NUP188: variants seen among roughly 807,000 people sequenced by gnomAD.
The protein encoded by NUP188 is nucleoporin NUP188.
A neutral mutation model predicts 223.0 loss-of-function variants in NUP188; 97 were observed. The observed-to-expected ratio is 0.43, with a 90% CI of 0.37 to 0.51. The LOEUF (loss-of-function observed/expected upper bound fraction) is 0.51, where lower values mean the gene tolerates loss of function less well. Among genes scored for constraint, NUP188 ranks in the 20% least tolerant of loss-of-function variants. The probability of loss-of-function intolerance (pLI) is 0.00; values close to 1 mark genes in which losing one functional copy is unlikely to be tolerated. For missense variants in NUP188, 1,947 were observed against 2,175.6 expected (o/e 0.89, Z 2.09); for synonymous variants, 869 against 828.0 (o/e 1.05, Z -0.85).
intron 12 of NUP188, among the ~76,000 whole-genome samples, chr9:128,974,733 C>T (rs1198420538): frequency 1.3e-5 from 2 of 151,484 alleles, no homozygotes; most frequent in African/African-American, 4.8e-5. Context: ...CTTAACATTA[C>T]AACCGTTATC....
rs112239017 is a variant in NUP188, at chr9:128,949,230, C to T, written c.74C>T (p.Ala25Val). The part of the protein sequence containing the change: ...ELWTILLGRS[A>V]LRELSQIEAE... ...TGGACTATTCTGCTTGGAAGGTCAG[C>T]TCTGAGAGAGCTGGTAAGTGGTGGT... is the stretch of plus-strand genomic sequence containing the variant. The change falls in exon 2 of 44, where the codon GCT (alanine) becomes GTT (valine). Residue 25 changes from alanine (A) to valine (V), a missense_variant. Physicochemically the swap from Ala to Val is moderately conservative, Grantham distance 64 (BLOSUM62 0). Transcript: ENST00000372577. 1 of 1,612,500 alleles carries T rather than the reference C, an allele frequency of 6.2e-7. No homozygotes were observed. Among genetic ancestry groups the T allele is most frequent in the East Asian group, 2.2e-5 (1 of 44,852 alleles).
At chr9:128,953,527 C>T (rs1400426341) in intron 3 of NUP188, among the ~76,000 whole-genome samples, 1 of 152,104 alleles carries the variant, frequency 6.6e-6, no homozygotes, top group Non-Finnish European at 1.5e-5. Context: ...CATTTTCATT[C>T]TCTTAGGTTA....
chr9:128,993,592 ATCGATACTGG>A lies in NUP188; in HGVS notation c.2917_2926del (p.Arg973AlafsTer38). 6.2e-7 allele frequency: 1 copy of A among 1,614,176 alleles called. No individual in the cohort carries two copies. On this transcript the variant is annotated frameshift_variant, in exon 27 of 44. Coordinates refer to ENST00000372577, the MANE Select transcript of NUP188 (RefSeq NM_015354.3). LOFTEE classifies it high-confidence loss of function. Reference sequence around the variant, plus strand: ...GAGCTGATTGATTCCCAACAGCAAGATCGATACTGGTGCCCACCCCTGCTGCATCGTGCCG... The same window carrying A: ...GAGCTGATTGATTCCCAACAGCAAGATGCCCACCCCTGCTGCATCGTGCCG...
In NUP188 at chr9:129,003,333, G is replaced by A; in HGVS notation, c.4313G>A (p.Arg1438Lys). Reference protein sequence around the residue: ...ERTLQCLNAVRTVQSLACLEE... With the variant: ...ERTLQCLNAVKTVQSLACLEE... Reference sequence around the variant, plus strand: ...TCCTCCCAGTGCCTCAACGCAGTGAGGACAGTGCAGAGTCTGGCCTGCCTG... The same window carrying A: ...TCCTCCCAGTGCCTCAACGCAGTGAAGACAGTGCAGAGTCTGGCCTGCCTG... The change falls in exon 38 of 44, where the codon AGG (arginine) becomes AAG (lysine). Residue 1438 changes from arginine (R) to lysine (K), a missense_variant. Transcript: ENST00000372577. 1 of 1,610,300 alleles carries A rather than the reference G, an allele frequency of 6.2e-7. No individual in the cohort carries two copies. Among genetic ancestry groups the A allele is most frequent in the Non-Finnish European group, 8.5e-7 (1 of 1,179,326 alleles).
intron 2 of NUP188, among the ~76,000 whole-genome samples, chr9:128,951,950 G>A (rs1184260378): frequency 1.3e-5 from 2 of 151,882 alleles, no homozygotes; most frequent in Admixed American, 6.6e-5. Flanking sequence ...ACACCACCAC[G>A]CCCAGCTAAT....
rs750636445 is a variant in NUP188 at position 128,994,895 on chromosome 9, A to G, written c.3127A>G (p.Ile1043Val). The G allele has an allele frequency of 2.5e-6, 4 of 1,613,704 alleles. No homozygotes were observed. The South Asian group carries it at 3.3e-5, about 13-fold the overall frequency. ...AACCTGTGCCCTAATCATGAAGATA[A>G]TTTGCTTGGAGATATACTATGTAGT... ...LETCALIMKI[I>V]CLEIYYVVKG... is the part of the protein sequence containing the mutation. The change falls in exon 29 of 44, where the codon ATT (isoleucine) becomes GTT (valine). Residue 1043 changes from isoleucine (I) to valine (V), a missense_variant. Coordinates refer to ENST00000372577, the MANE Select transcript of NUP188 (RefSeq NM_015354.3).
chr9:128,961,910 CA>C (rs1470472355), intron 8 of NUP188, among the ~76,000 whole-genome samples: 1 of 146,802 alleles, frequency 6.8e-6, no homozygotes, highest in Non-Finnish European at 1.5e-5. Flanking sequence ...GTGAGCCAGC[CA>C]CCATGCCCGG....
intron 8 of NUP188, chr9:128,964,328 C>T (rs766975841): frequency 1.5e-5 from 5 of 344,082 alleles, no homozygotes; most frequent in South Asian, 2.4e-5. Context: ...CAACTTTTTT[C>T]TTCCACCTAG....
At chr9:128,952,722 C>CAAAA in intron 2 of NUP188, 51 bp from the exon 3 acceptor site, 4 of 1,321,022 alleles carry the variant, frequency 3.0e-6, no homozygotes, top group Non-Finnish European at 4.2e-6. Flanking sequence ...GACTCTGTCT[C>CAAAA]AAAAAAAAAA....
At position 128,969,493 on chromosome 9, in the gene NUP188, G is replaced by A. The variant is rs145324169; in HGVS notation, c.891G>A (p.Ala297=). Residue 297 remains alanine (A), a synonymous_variant, in exon 10 of 44, where the codon GCG becomes GCA. Transcript: ENST00000372577. Reference sequence around the variant, plus strand: ...ACAGAAGAGAACTGCATCAGTTTGCGCAGGATGGGCTTATTTGTCAGGTGA... The same window carrying A: ...ACAGAAGAGAACTGCATCAGTTTGCACAGGATGGGCTTATTTGTCAGGTGA... ...LDDRRELHQF[A]QDGLICQDMD... 343 of 1,575,924 alleles carry A rather than the reference G, an allele frequency of 2.2e-4. 2 individuals carry two copies. Among genetic ancestry groups the A allele is most frequent in the South Asian group, 5.9e-4 (50 of 85,318 alleles).
At chr9:128,948,552 A>G (rs1041158769) in intron 1 of NUP188, 5 of 151,872 alleles carry the variant, frequency 3.3e-5, no homozygotes, top group African/African-American at 1.2e-4. Context: ...GAGAGCCTTC[A>G]AGCTGAAGTC....
intron 37 of NUP188, 137 bp downstream of exon 37, chr9:129,003,112 A>C (rs1203470197): frequency 2.7e-6 from 3 of 1,128,286 alleles, no homozygotes; most frequent in Non-Finnish European, 3.7e-6. Flanking sequence ...AGATGCTCTA[A>C]GTACTCTGCT....
intron 3 of NUP188, among the ~76,000 whole-genome samples, chr9:128,954,692 G>A (rs945591594): frequency 1.7e-4 from 26 of 151,004 alleles, no homozygotes; most frequent in Non-Finnish European, 3.0e-4. Flanking sequence ...TGACAATGTC[G>A]ACAATGTCTT....
At chr9:128,970,983 A>G in intron 11 of NUP188, 25 bp downstream of exon 11, 1 of 1,569,870 alleles carries the variant, frequency 6.4e-7, no homozygotes, top group Non-Finnish European at 8.8e-7. Context: ...CTGGGTGGTG[A>G]GCATGGGAGT....
chr9:129,002,743 C>A, intron 36 of NUP188, 74 bp from the exon 37 acceptor site: 1 of 1,493,626 alleles, frequency 6.7e-7, no homozygotes, highest in Non-Finnish European at 9.1e-7. Flanking sequence ...AGCTGGGCTG[C>A]CTTAGTTGCT....
chr9:129,003,579 G>A, intron 38 of NUP188, 125 bp downstream of exon 38: 1 of 1,152,720 alleles, frequency 8.7e-7, no homozygotes, highest in Non-Finnish European at 1.3e-6. Flanking sequence ...TTCCCTTGGG[G>A]AGCACAGGGT....
chr9:128,993,715 A>G (rs1297786779), intron 27 of NUP188, 21 bp downstream of exon 27: 4 of 1,610,634 alleles, frequency 2.5e-6, no homozygotes, highest in Non-Finnish European at 3.4e-6. Flanking sequence ...CTCTGGGAGT[A>G]GTTTCATTGT....
intron 31 of NUP188, 56 bp from the exon 32 acceptor site, chr9:128,998,482 T>C: frequency 6.8e-7 from 1 of 1,467,114 alleles, no homozygotes; most frequent in Non-Finnish European, 9.6e-7. Context: ...AGGTGCCCTG[T>C]GGATGGCATG....
At position 128,995,365 on chromosome 9, in the gene NUP188, A is replaced by T. The variant is rs539971215; in HGVS notation, c.3202A>T (p.Ile1068Phe). ...SLKDTLKKFS[I>F]EKRFAYWSGY... ...AAAGGATACACTGAAGAAATTTTCCATCGAGAAACGCTTTGCCTACTGGTC... is the reference window on the plus strand; with the variant it reads ...AAAGGATACACTGAAGAAATTTTCCTTCGAGAAACGCTTTGCCTACTGGTC... The change falls in exon 30 of 44, where the codon ATC becomes TTC. Residue 1068 changes from isoleucine (I) to phenylalanine (F), a missense_variant. Around this residue, in one of 3 missense-constraint regions of NUP188, gnomAD observed 905 missense variants for 990.6 expected, o/e 0.91. Transcript: ENST00000372577. 6.2e-7 allele frequency: 1 copy of T among 1,614,212 alleles called. No individual in the cohort carries two copies. The highest frequency in any genetic ancestry group is 1.3e-5 in the African/African-American group (1 of 75,052).
Sources: gnomAD v4.1 joint callset for allele counts (sites outside exome capture counted in the v4.1 genomes callset) on GRCh38, gnomAD v4.1.1 for gene constraint, gnomAD v4.1.1 regional missense constraint, MANE v1.5 for transcripts, NCBI Gene and HGNC (gene_info 2026-07-23, HGNC 2026-07-21) for gene names.